Variants in GABARAPL2 observed in about 807,000 individuals in gnomAD.
The protein encoded by GABARAPL2 is gamma-aminobutyric acid receptor-associated protein-like 2.
In GABARAPL2, 11 loss-of-function variants were observed where a neutral mutation model predicts 16.9. That is an observed-to-expected ratio of 0.65 (90% CI 0.41 to 1.08). GABARAPL2 has a LOEUF of 1.08. GABARAPL2 is among the 50% of genes least tolerant of loss of function. The probability of loss-of-function intolerance (pLI) is 0.00; values close to 1 mark genes in which losing one functional copy is unlikely to be tolerated. For synonymous variants in GABARAPL2, 57 were observed against 50.7 expected (o/e 1.12, Z -0.53); for missense variants, 134 against 142.5 (o/e 0.94, Z 0.30).
At chr16:75,575,494 G>A (rs1224914860) in intron 3 of GABARAPL2, 3 of 152,288 alleles carry the variant, frequency 2.0e-5, no homozygotes, top group Non-Finnish European at 4.4e-5. Context: ...CTGTCGCCCA[G>A]GCTGGAGTGC....
Position 75,577,783 on chromosome 16 carries a change from A to T in GABARAPL2, c.*414A>T. The T allele has an allele frequency of 6.2e-6, 1 of 161,650 alleles. No individual in the cohort carries two copies. The highest frequency in any genetic ancestry group is 1.7e-4 in the South Asian group (1 of 5,962). 10.0% of individuals were successfully genotyped at this position (161,650 alleles called of 1,614,324 possible). A position where few individuals can be genotyped will look rare whatever the true frequency, so the allele number is the denominator to read the frequency against. ...CAGTCAGAACACTTGCTTCACTAGA[A>T]TATGCCAACTGCCAATCATGTTGGA... On this transcript the variant is annotated 3_prime_UTR_variant, in exon 4 of 4. Transcript: ENST00000037243.
intron 3 of GABARAPL2, chr16:75,572,515 T>G (rs1335516221): frequency 6.6e-6 from 1 of 152,254 alleles, no homozygotes; most frequent in Non-Finnish European, 1.5e-5. Context: ...CCTCTCCCAA[T>G]GCATAGCGCT....
rs1236591471 is a variant in GABARAPL2 at position 75,568,147 on chromosome 16, G to A, written c.201G>A (p.Arg67=). The change falls in exon 3 of 4, where the codon AGG becomes AGA. Residue 67 remains arginine, a synonymous_variant. Transcript: ENST00000037243. ...VAQFMWIIRK[R]IQLPSEKAIF... is the part of the protein sequence containing the mutation. Reference sequence around the variant, plus strand: ...AGTTCATGTGGATCATCAGGAAAAGGATCCAGCTTCCTTCTGAAAAGGCGA... The same window carrying A: ...AGTTCATGTGGATCATCAGGAAAAGAATCCAGCTTCCTTCTGAAAAGGCGA... 2.5e-6 allele frequency: 4 copies of A among 1,613,132 alleles called. No homozygotes were observed. The African/African-American group carries it at 4.0e-5, about 16-fold the overall frequency.
intron 2 of GABARAPL2, among the ~76,000 whole-genome samples, chr16:75,567,398 TC>T (rs2080890671): frequency 6.6e-6 from 1 of 152,236 alleles, no homozygotes; most frequent in Non-Finnish European, 1.5e-5. Context: ...TGCCATATTT[TC>T]TTCTTAGTCA....
intron 3 of GABARAPL2, chr16:75,576,449 A>C (rs950292682): frequency 6.6e-6 from 1 of 152,196 alleles, no homozygotes; most frequent in South Asian, 2.1e-4. Flanking sequence ...GTTGTGACTT[A>C]CCTATCTGGG....
intron 2 of GABARAPL2, among the ~76,000 whole-genome samples, chr16:75,567,351 G>C (rs2080890140): frequency 6.6e-6 from 1 of 152,122 alleles, no homozygotes; most frequent in African/African-American, 2.4e-5. Flanking sequence ...ATCCTTGCCT[G>C]ACCAAAATAA....
rs565002127 is a variant in GABARAPL2 at position 75,566,455 on chromosome 16, C to T, written c.-32C>T. 998 of 1,538,868 alleles carry T rather than the reference C, an allele frequency of 6.5e-4. 3 individuals are homozygous for T. The highest frequency in any genetic ancestry group is 1.6e-3 in the Middle Eastern group (7 of 4,446). On this transcript the variant is annotated 5_prime_UTR_variant, in exon 1 of 4. Coordinates refer to ENST00000037243, the MANE Select transcript of GABARAPL2 (RefSeq NM_007285.7). ...CGGTGCGCTGAGCTCCGCGGCTCCG[C>T]GAGCCGGTTCCGTCCCCTTCCCGCC...
intron 3 of GABARAPL2, among the ~76,000 whole-genome samples, chr16:75,570,630 T>A (rs1434031809): frequency 6.6e-6 from 1 of 152,240 alleles, no homozygotes; most frequent in Non-Finnish European, 1.5e-5. Context: ...TCTCAGTTAT[T>A]TCTGCCTTGG....
chr16:75,568,047 A>G lies in GABARAPL2; in HGVS notation c.101A>G (p.Glu34Gly). Residue 34 changes from glutamate (E) to glycine (G), a missense_variant, in exon 3 of 4, where the codon GAA (glutamate) becomes GGA (glycine). Glu to Gly is a moderately conservative substitution (Grantham distance 98). Coordinates refer to ENST00000037243, the MANE Select transcript of GABARAPL2 (RefSeq NM_007285.7). ...TCTTTACTTTCCCAGGTGATTGTGG[A>G]AAAGGTCTCAGGCTCTCAGATTGTT... The part of the protein sequence containing the change: ...KYPDRVPVIV[E>G]KVSGSQIVDI... The G allele has an allele frequency of 6.2e-7, 1 of 1,600,432 alleles. No homozygotes were observed.
chr16:75,570,226 A>G lies in GABARAPL2; in HGVS notation c.263+2017A>G, dbSNP rs573879088. On this transcript the variant is annotated intron_variant, in intron 3 of 3. Coordinates refer to ENST00000037243, the MANE Select transcript of GABARAPL2 (RefSeq NM_007285.7). ...TCCTCTCACCTCAGCCTCCCTAATA[A>G]CTGGGACAGGACCACAGGTGCATGT... Among the ~76,000 whole-genome samples the G allele has an allele frequency of 2.0e-5, 3 of 151,976 alleles. No individual in the cohort carries two copies. The East Asian group carries it at 5.8e-4, about 29-fold the overall frequency.
At chr16:75,573,682 G>C (rs185516286) in intron 3 of GABARAPL2, among the ~76,000 whole-genome samples, 1 of 152,200 alleles carries the variant, frequency 6.6e-6, no homozygotes. Context: ...TTGATGTTCC[G>C]ATGGTTGGTA....
intron 3 of GABARAPL2, among the ~76,000 whole-genome samples, chr16:75,572,889 C>T (rs900005316): frequency 2.0e-5 from 3 of 152,210 alleles, no homozygotes; most frequent in South Asian, 2.1e-4. Context: ...GGTGTGCATT[C>T]GTGTTAGGGA....
chr16:75,568,741 T>G (rs1460269929), intron 3 of GABARAPL2, among the ~76,000 whole-genome samples: 1 of 152,178 alleles, frequency 6.6e-6, no homozygotes, highest in Non-Finnish European at 1.5e-5. Context: ...ATACCTCCCT[T>G]GGTAGCACTT....
chr16:75,572,576 TG>T (rs2080922209), intron 3 of GABARAPL2: 2 of 152,526 alleles, frequency 1.3e-5, no homozygotes, highest in South Asian at 2.1e-4. Context: ...CATTCCTGGA[TG>T]TAGGTCTTGC....
In GABARAPL2 at chr16:75,577,587, C is replaced by A; in HGVS notation, c.*218C>A. On this transcript the variant is annotated 3_prime_UTR_variant, in exon 4 of 4. Transcript: ENST00000037243. ...TTTCTTTTTGTGCATTGTCCTCATG[C>A]CTGTATTCTCCAGGAAACTTGTCCT... The A allele has an allele frequency of 2.3e-6, 1 of 439,816 alleles. No individual in the cohort carries two copies. The highest frequency in any genetic ancestry group is 4.1e-6 in the Non-Finnish European group (1 of 245,474). 27.2% of individuals were successfully genotyped at this position (439,816 alleles called of 1,614,324 possible). A position where few individuals can be genotyped will look rare whatever the true frequency, so the allele number is the denominator to read the frequency against.
Position 75,571,276 on chromosome 16 carries a change from C to A in GABARAPL2, c.263+3067C>A, listed in dbSNP as rs374992016. The stretch of plus-strand genomic sequence containing the variant: ...AGAGTGCTGGGATTATGGGTGTTAC[C>A]CACCATGCCTGGCCAGATATTATAA... On this transcript the variant is annotated intron_variant, in intron 3 of 3. Coordinates refer to ENST00000037243, the MANE Select transcript of GABARAPL2 (RefSeq NM_007285.7). Among the ~76,000 whole-genome samples the A allele has an allele frequency of 2.3e-4, 35 of 152,202 alleles. No homozygotes were observed. The East Asian group carries it at 5.6e-3, about 24-fold the overall frequency.
intron 3 of GABARAPL2, among the ~76,000 whole-genome samples, chr16:75,570,239 C>T (rs552753740): frequency 2.6e-5 from 4 of 152,144 alleles, no homozygotes; most frequent in African/African-American, 9.6e-5. Flanking sequence ...GGGACAGGAC[C>T]ACAGGTGCAT....
chr16:75,568,050 A>G lies in GABARAPL2; in HGVS notation c.104A>G (p.Lys35Arg). Reference protein sequence around the residue: ...YPDRVPVIVEKVSGSQIVDID... With the variant: ...YPDRVPVIVERVSGSQIVDID... ...TTACTTTCCCAGGTGATTGTGGAAAAGGTCTCAGGCTCTCAGATTGTTGAC... is the reference window on the plus strand; with the variant it reads ...TTACTTTCCCAGGTGATTGTGGAAAGGGTCTCAGGCTCTCAGATTGTTGAC... The change falls in exon 3 of 4, where the codon AAG (lysine) becomes AGG (arginine). Residue 35 changes from lysine to arginine, a missense_variant. Physicochemically the swap from Lys to Arg is conservative, Grantham distance 26. Coordinates refer to ENST00000037243, the MANE Select transcript of GABARAPL2 (RefSeq NM_007285.7). 1.2e-6 allele frequency: 2 copies of G among 1,601,050 alleles called. No individual in the cohort carries two copies. The highest frequency in any genetic ancestry group is 1.1e-5 in the South Asian group (1 of 90,606).
At chr16:75,571,544 GA>G (rs1234769649) in intron 3 of GABARAPL2, among the ~76,000 whole-genome samples, 1 of 152,084 alleles carries the variant, frequency 6.6e-6, no homozygotes, top group African/African-American at 2.4e-5. Context: ...AGAGTAACCA[GA>G]AATCCAATTC....
Sources: allele counts gnomAD v4.1 joint callset (sites outside exome capture counted in the v4.1 genomes callset), GRCh38; gene constraint gnomAD v4.1.1; transcripts MANE v1.5; gene names NCBI Gene and HGNC (gene_info 2026-07-23, HGNC 2026-07-21).